ZFHX3: variants seen among roughly 807,000 people sequenced by gnomAD.
ZFHX3 encodes zinc finger homeobox 3, also known as zinc finger homeobox protein 3.
ZFHX3 carries 42 observed loss-of-function variants against 279.1 expected under a neutral mutation model. That is an observed-to-expected ratio of 0.15 (90% CI 0.12 to 0.19). The LOEUF is 0.19. Among genes scored for constraint, ZFHX3 ranks in the 10% least tolerant of loss-of-function variants. The pLI is 1.00. For missense variants in ZFHX3, 4,981 were observed against 4,754.0 expected (o/e 1.05, Z -1.40); for synonymous variants, 2,293 against 1,957.8 (o/e 1.17, Z -4.52).
chr16:73,811,578 G>A (rs1312983369), intron 1 of ZFHX3, among the ~76,000 whole-genome samples: 2 of 151,474 alleles, frequency 1.3e-5, no homozygotes, highest in Non-Finnish European at 2.9e-5. Flanking sequence ...TGGAGTAGCT[G>A]GGACTACAGG....
intron 1 of ZFHX3, among the ~76,000 whole-genome samples, chr16:73,879,919 G>A (rs1281075352): frequency 6.6e-6 from 1 of 152,122 alleles, no homozygotes; most frequent in Non-Finnish European, 1.5e-5. Flanking sequence ...ACACCCTACT[G>A]ATAACAACTG....
At position 72,902,223 on chromosome 16, in the gene ZFHX3, C is replaced by A. The variant is rs1048953848; in HGVS notation, c.3217-12261G>T. ...CTTCTTGCTCCCAGAATCATCCTAA[C>A]GGATGACAGAGTCCAACTTTCCCAT... On this transcript the variant is annotated intron_variant, in intron 3 of 9. Transcript: ENST00000268489. Among the ~76,000 whole-genome samples, 5 of 152,300 alleles carry A rather than the reference C, an allele frequency of 3.3e-5. No individual in the cohort carries two copies. The South Asian group carries it at 1.0e-3, about 32-fold the overall frequency.
At chr16:73,204,644 C>T (rs2011732684) in intron 5 of ZFHX3, among the ~76,000 whole-genome samples, 2 of 152,208 alleles carry the variant, frequency 1.3e-5, no homozygotes, top group Admixed American at 1.3e-4. Flanking sequence ...GGACTGGTAC[C>T]AGTCCCTGAG....
intron 2 of ZFHX3, among the ~76,000 whole-genome samples, chr16:73,547,455 T>C (rs538884318): frequency 1.6e-4 from 24 of 152,338 alleles, no homozygotes; most frequent in Non-Finnish European, 3.1e-4. Flanking sequence ...TTCTTTGACT[T>C]TTCCTTTAGT....
intron 1 of ZFHX3, among the ~76,000 whole-genome samples, chr16:72,989,152 C>T (rs1165250048): frequency 2.0e-5 from 3 of 149,036 alleles, no homozygotes; most frequent in African/African-American, 7.5e-5. Flanking sequence ...TTGGCCTGGG[C>T]AAGACAGCAA....
At chr16:72,979,760 A>T (rs1223102390) in intron 1 of ZFHX3, among the ~76,000 whole-genome samples, 1 of 152,296 alleles carries the variant, frequency 6.6e-6, no homozygotes, top group Middle Eastern at 3.4e-3. Context: ...CAAAAGAAGA[A>T]AGAAAAAACA....
intron 1 of ZFHX3, among the ~76,000 whole-genome samples, chr16:73,716,129 C>A (rs2053412132): frequency 6.6e-6 from 1 of 152,012 alleles, no homozygotes; most frequent in Non-Finnish European, 1.5e-5. Flanking sequence ...GTAAATATAG[C>A]CATGGCCCAC....
chr16:72,826,683 G>T (rs1367136902), intron 5 of ZFHX3, among the ~76,000 whole-genome samples: 1 of 152,150 alleles, frequency 6.6e-6, no homozygotes, highest in African/African-American at 2.4e-5. Context: ...AGTCGGGAAA[G>T]AATTTTCCCT....
intron 7 of ZFHX3, among the ~76,000 whole-genome samples, chr16:73,110,538 T>G (rs1324133383): frequency 6.6e-6 from 1 of 152,166 alleles, no homozygotes; most frequent in South Asian, 2.1e-4. Flanking sequence ...TTCCATACAC[T>G]CTTTACACAG....
intron 1 of ZFHX3, among the ~76,000 whole-genome samples, chr16:73,707,011 C>G (rs972555915): frequency 3.9e-5 from 6 of 152,158 alleles, no homozygotes; most frequent in African/African-American, 1.4e-4. Flanking sequence ...ATCAAAGAAG[C>G]TGGATAAAAC....
At chr16:73,363,825 A>G (rs1342946467) in intron 3 of ZFHX3, among the ~76,000 whole-genome samples, 1 of 152,168 alleles carries the variant, frequency 6.6e-6, no homozygotes, top group Non-Finnish European at 1.5e-5. Context: ...GGAGCTGTAG[A>G]AATGTACACC....
At position 73,028,346 on chromosome 16, in the gene ZFHX3, T is replaced by C. The variant is rs187714836; in HGVS notation, c.-50+19406A>G. Among the ~76,000 whole-genome samples the C allele has an allele frequency of 5.3e-3, 800 of 152,258 alleles. 9 individuals are homozygous for C. The highest frequency in any genetic ancestry group is 0.019 in the African/African-American group (773 of 41,556). On this transcript the variant is annotated intron_variant, in intron 1 of 9. Coordinates refer to ENST00000268489, the MANE Select transcript of ZFHX3 (RefSeq NM_006885.4). ...CACCATCCATCAAGGTGCCGGACAGTTGTTCGGGAGAAGTCCTGCCAGGAA... is the reference window on the plus strand; with the variant it reads ...CACCATCCATCAAGGTGCCGGACAGCTGTTCGGGAGAAGTCCTGCCAGGAA...
At chr16:73,871,478 G>A (rs1289652059) in intron 1 of ZFHX3, among the ~76,000 whole-genome samples, 3 of 150,950 alleles carry the variant, frequency 2.0e-5, no homozygotes, top group African/African-American at 4.9e-5. Flanking sequence ...CTCCCTGGGA[G>A]GACAATAAAA....
intron 3 of ZFHX3, among the ~76,000 whole-genome samples, chr16:73,326,486 T>C (rs1448112613): frequency 1.3e-5 from 2 of 152,126 alleles, no homozygotes; most frequent in South Asian, 2.1e-4. Flanking sequence ...AAAAACACGA[T>C]CCTAAGTGAA....
At chr16:73,702,158 C>T (rs28693794) in intron 1 of ZFHX3, among the ~76,000 whole-genome samples, 10 of 151,902 alleles carry the variant, frequency 6.6e-5, no homozygotes, top group African/African-American at 2.2e-4. Flanking sequence ...TAATAACAAC[C>T]GCACCCCCCA....
rs564178462 is a variant in ZFHX3, at chr16:73,602,402, C to A, written c.-1547+77778G>T. On this transcript the variant is annotated intron_variant, in intron 2 of 17. Coordinates refer to the ZFHX3 transcript ENST00000641206. ...GGAATGTGAGGTAGGTGCAAGGAAG[C>A]AACGTCTTTCTATTACGAGAACTTC... is the stretch of plus-strand genomic sequence containing the variant. Among the ~76,000 whole-genome samples, 3 of 152,236 alleles carry A rather than the reference C, an allele frequency of 2.0e-5. No homozygotes were observed. The East Asian group carries it at 5.8e-4, about 29-fold the overall frequency.
chr16:73,377,373 A>G (rs905456757), intron 3 of ZFHX3, among the ~76,000 whole-genome samples: 4 of 152,200 alleles, frequency 2.6e-5, no homozygotes, highest in Non-Finnish European at 5.9e-5. Context: ...CCTACCAGGT[A>G]TTAAGACTTA....
chr16:73,045,748 G>T (rs930218244), intron 1 of ZFHX3, among the ~76,000 whole-genome samples: 1 of 123,108 alleles, frequency 8.1e-6, no homozygotes, highest in Non-Finnish European at 1.6e-5. Flanking sequence ...AGGAGAAATG[G>T]AAAACAGTAG....
chr16:72,849,281 T>C (rs1232979742), intron 4 of ZFHX3, among the ~76,000 whole-genome samples: 1 of 152,138 alleles, frequency 6.6e-6, no homozygotes, highest in Admixed American at 6.5e-5. Context: ...GGGAAAGCTC[T>C]GCAGCCAGAG....
Sources: allele counts gnomAD v4.1 joint callset (sites outside exome capture counted in the v4.1 genomes callset), GRCh38; gene constraint gnomAD v4.1.1; transcripts MANE v1.5; gene names NCBI Gene and HGNC (gene_info 2026-07-23, HGNC 2026-07-21).